Variants in MRC2 observed in about 807,000 individuals in gnomAD.
The protein encoded by MRC2 is C-type mannose receptor 2.
In MRC2, 84 loss-of-function variants were observed where a neutral mutation model predicts 206.2. The observed-to-expected ratio is 0.41, with a 90% CI of 0.34 to 0.49. The LOEUF (loss-of-function observed/expected upper bound fraction) is 0.49. Among genes scored for constraint, MRC2 ranks in the 20% least tolerant of loss-of-function variants. The probability of loss-of-function intolerance (pLI) is 0.31; values close to 1 mark genes in which losing one functional copy is unlikely to be tolerated. For synonymous variants in MRC2, 798 were observed against 800.0 expected (o/e 1.00, Z 0.04); for missense variants, 1,676 against 2,001.5 (o/e 0.84, Z 3.10).
Position 62,666,549 on chromosome 17 carries a change from G to A in MRC2, c.789G>A (p.Trp263Ter). 1 of 1,613,140 alleles carries A rather than the reference G, an allele frequency of 6.2e-7. No homozygotes were observed. Among genetic ancestry groups the A allele is most frequent in the Non-Finnish European group, 8.5e-7 (1 of 1,179,728 alleles). The change falls in exon 4 of 30, where the codon TGG becomes TGA. Residue 263 changes from tryptophan to a stop codon, truncating the protein, a stop_gained. Transcript: ENST00000303375. LOFTEE classifies it high-confidence loss of function. The surrounding 1 kb of genome is among the most constrained non-coding windows in gnomAD (Gnocchi z 5.0). ...FQSTLSWREA[W>*]ASCEQQGADL... is the part of the protein sequence containing the mutation. ...CCACGCTGTCGTGGAGGGAGGCCTG[G>A]GCCAGCTGCGAGCAGCAGGGTGCGG... is the stretch of plus-strand genomic sequence containing the variant.
At chr17:62,687,531 T>C (rs1017602258) in intron 20 of MRC2, among the ~76,000 whole-genome samples, 1 of 152,106 alleles carries the variant, frequency 6.6e-6, no homozygotes, top group Non-Finnish European at 1.5e-5. Context: ...TAAGAAAGAG[T>C]CTTCACTTGA....
intron 1 of MRC2, among the ~76,000 whole-genome samples, chr17:62,629,631 C>T (rs1013920953): frequency 3.9e-5 from 6 of 152,210 alleles, no homozygotes; most frequent in African/African-American, 1.2e-4. Context: ...GAACCGTGCC[C>T]TCTGCACAGA....
chr17:62,678,791 GC>G (rs1231601504), intron 13 of MRC2, 145 bp downstream of exon 13: 2 of 1,199,876 alleles, frequency 1.7e-6, no homozygotes, highest in Non-Finnish European at 2.3e-6. Flanking sequence ...TGCTGCTGGT[GC>G]CAGGACCATC....
intron 26 of MRC2, 46 bp from the exon 27 acceptor site, chr17:62,690,596 C>T (rs755520626): frequency 5.2e-6 from 8 of 1,542,798 alleles, no homozygotes; most frequent in South Asian, 2.5e-5. Flanking sequence ...GACTCTGCCC[C>T]CCCCGGAGAC....
In MRC2 at chr17:62,688,304, G is replaced by T; in HGVS notation, c.2962G>T (p.Gly988Cys). 1 of 1,614,068 alleles carries T rather than the reference G, an allele frequency of 6.2e-7. No homozygotes were observed. The highest frequency in any genetic ancestry group is 8.5e-7 in the Non-Finnish European group (1 of 1,180,018). ...QFLNKCFQVQ[G>C]QEPQSRVKWS... ...TGCCCCACAGTGTTTTCAGGTCCAGGGCCAGGAACCCCAGAGCCGGGTGAA... is the reference window on the plus strand; with the variant it reads ...TGCCCCACAGTGTTTTCAGGTCCAGTGCCAGGAACCCCAGAGCCGGGTGAA... The change falls in exon 21 of 30, where the codon GGC (glycine) becomes TGC (cysteine). Residue 988 changes from glycine to cysteine, a missense_variant. Physicochemically the swap from Gly to Cys is radical, Grantham distance 159. This residue lies in a region of MRC2 where 1,354 missense variants were observed against 1,636.6 expected (regional missense o/e 0.83). Transcript: ENST00000303375.
chr17:62,690,373 C>A lies in MRC2; in HGVS notation c.3892+68C>A. 2.0e-6 allele frequency: 3 copies of A among 1,533,000 alleles called. No individual in the cohort carries two copies. The South Asian group carries it at 3.8e-5, about 19-fold the overall frequency. The allele number at this position is 1,533,000 out of a possible 1,614,324, so 95.0% of individuals were successfully genotyped here. Reference sequence around the variant, plus strand: ...ACCTCCTCTCGTGGGCACTCAGACCCATGAGTACATCCCCACACTGCTCTC... The same window carrying A: ...ACCTCCTCTCGTGGGCACTCAGACCAATGAGTACATCCCCACACTGCTCTC... On this transcript the variant is annotated intron_variant, in intron 26 of 29. Transcript: ENST00000303375.
At chr17:62,681,401 T>G (rs549156011) in intron 18 of MRC2, 1 of 550,200 alleles carries the variant, frequency 1.8e-6, no homozygotes, top group East Asian at 3.1e-5. Context: ...TGGCAGCTCC[T>G]GTTACGTCTG....
rs2088714717 is a variant in MRC2 at position 62,664,070 on chromosome 17, C to T, written c.119-478C>T. On this transcript the variant is annotated intron_variant, in intron 1 of 29. Transcript: ENST00000303375. The surrounding 1 kb of genome is among the most constrained non-coding windows in gnomAD (Gnocchi z 4.7). ...CGCCTCCCGGGTTCACGCCATTCTC[C>T]TGCCTCAGCCTCCCAAGTAGCTGGG... Among the ~76,000 whole-genome samples, 1 of 150,618 alleles carries T rather than the reference C, an allele frequency of 6.6e-6. No individual in the cohort carries two copies. The highest frequency in any genetic ancestry group is 6.6e-5 in the Admixed American group (1 of 15,142).
At chr17:62,687,927 G>A (rs572033846) in intron 20 of MRC2, among the ~76,000 whole-genome samples, 3 of 152,194 alleles carry the variant, frequency 2.0e-5, no homozygotes, top group African/African-American at 4.8e-5. Context: ...AAGTTCAAAG[G>A]GCAAGATAAT....
Position 62,692,336 on chromosome 17 carries a change from T to A in MRC2, c.4325T>A (p.Ile1442Asn). 6.3e-7 allele frequency: 1 copy of A among 1,577,610 alleles called. No homozygotes were observed. Among genetic ancestry groups the A allele is most frequent in the Non-Finnish European group, 8.6e-7 (1 of 1,161,836 alleles). Residue 1442 changes from isoleucine to asparagine, a missense_variant, in exon 30 of 30, where the codon ATC (isoleucine) becomes AAC (asparagine). By Grantham distance (149) the Ile-to-Asn change is moderately radical. Coordinates refer to ENST00000303375, the MANE Select transcript of MRC2 (RefSeq NM_006039.5). This position sits in a 1 kb window ranked among gnomAD's most constrained non-coding sequence, Gnocchi z 4.2. ...ALILYRRRQS[I>N]ERGAFEGARY... ...ATCCTTTACCGGAGGCGCCAGAGCA[T>A]CGAGCGCGGGGCCTTTGAGGGTGCC...
chr17:62,639,403 C>CT (rs1762503427), intron 1 of MRC2, among the ~76,000 whole-genome samples: 1 of 152,154 alleles, frequency 6.6e-6, no homozygotes, highest in Non-Finnish European at 1.5e-5. Flanking sequence ...AATTAGCTTT[C>CT]TTTAACTACT....
At chr17:62,673,965 C>G in intron 8 of MRC2, 98 bp from the exon 9 acceptor site, 1 of 943,098 alleles carries the variant, frequency 1.1e-6, no homozygotes, top group Non-Finnish European at 1.6e-6. Flanking sequence ...CACAGTAAGT[C>G]AGAGACAGGG....
intron 1 of MRC2, among the ~76,000 whole-genome samples, chr17:62,633,502 C>CAA (rs999150702): frequency 2.9e-4 from 21 of 73,410 alleles, no homozygotes; most frequent in East Asian, 5.1e-4. Context: ...GACTCCGTCT[C>CAA]AAAAAAAAAA....
At position 62,680,592 on chromosome 17, in the gene MRC2, G is replaced by A. The variant is rs986228315; in HGVS notation, c.2473+139G>A. ...GAAGGGGGACGGGGTTGGCTCGGAC[G>A]GAGGCAGCCACAGCCCTGTTTGCTT... On this transcript the variant is annotated intron_variant, in intron 16 of 29. Transcript: ENST00000303375. This position sits in a 1 kb window ranked among gnomAD's most constrained non-coding sequence, Gnocchi z 4.8. 1.5e-6 allele frequency: 2 copies of A among 1,351,634 alleles called. No individual in the cohort carries two copies. The highest frequency in any genetic ancestry group is 1.4e-5 in the African/African-American group (1 of 69,526). 83.7% of individuals were successfully genotyped at this position (1,351,634 alleles called of 1,614,324 possible). A position where few individuals can be genotyped will look rare whatever the true frequency, so the allele number is the denominator to read the frequency against.
chr17:62,638,587 A>C (rs902000379), intron 1 of MRC2, among the ~76,000 whole-genome samples: 15 of 151,882 alleles, frequency 9.9e-5, no homozygotes, highest in Admixed American at 9.8e-4. Flanking sequence ...AAAATATAAA[A>C]ATTAGCCAGG....
At chr17:62,641,177 C>T (rs1268048093) in intron 1 of MRC2, among the ~76,000 whole-genome samples, 2 of 149,752 alleles carry the variant, frequency 1.3e-5, no homozygotes, top group African/African-American at 2.5e-5. Context: ...AGAGAAAAAT[C>T]GGCTGGGTGC....
At chr17:62,647,688 C>G (rs1196215130) in intron 1 of MRC2, among the ~76,000 whole-genome samples, 1 of 152,162 alleles carries the variant, frequency 6.6e-6, no homozygotes, top group Non-Finnish European at 1.5e-5. Flanking sequence ...TGTATACATT[C>G]TTAGTTCTTT....
chr17:62,656,240 T>G (rs1296756638), intron 1 of MRC2, among the ~76,000 whole-genome samples: 1 of 152,106 alleles, frequency 6.6e-6, no homozygotes, highest in Non-Finnish European at 1.5e-5. Flanking sequence ...AGAGATGGAG[T>G]TTCACCATGT....
At chr17:62,660,250 T>C (rs1384358617) in intron 1 of MRC2, among the ~76,000 whole-genome samples, 1 of 152,138 alleles carries the variant, frequency 6.6e-6, no homozygotes, top group African/African-American at 2.4e-5. Flanking sequence ...TTTGAGGAGC[T>C]CATACAGAAA....
Sources: allele counts gnomAD v4.1 joint callset (sites outside exome capture counted in the v4.1 genomes callset), GRCh38; gene constraint gnomAD v4.1.1; regional missense constraint gnomAD v4.1.1; non-coding constraint Gnocchi (gnomAD v3.1); transcripts MANE v1.5; gene names NCBI Gene and HGNC (gene_info 2026-07-23, HGNC 2026-07-21).